Variants in ENTPD6 observed in about 807,000 individuals in gnomAD.
ENTPD6 encodes the protein CD39 antigen-like 2.
ENTPD6 carries 46 observed loss-of-function variants against 61.5 expected under a neutral mutation model. The ratio of observed to expected loss-of-function variants is 0.75; its 90% CI spans 0.59 to 0.96. The LOEUF (loss-of-function observed/expected upper bound fraction) is 0.96, where lower values mean the gene tolerates loss of function less well. Among genes scored for constraint, ENTPD6 ranks in the 40% least tolerant of loss-of-function variants. The pLI is 0.00. For synonymous variants in ENTPD6, 252 were observed against 255.5 expected (o/e 0.99, Z 0.13); for missense variants, 612 against 629.0 (o/e 0.97, Z 0.29).
chr20:25,208,175 G>A (rs546899356), intron 3 of ENTPD6, among the ~76,000 whole-genome samples: 33 of 152,202 alleles, frequency 2.2e-4, no homozygotes, highest in Non-Finnish European at 4.4e-4. Flanking sequence ...CGGTTCTGCT[G>A]GTGCTGGACA....
chr20:25,207,932 C>T (rs982451370), intron 3 of ENTPD6, among the ~76,000 whole-genome samples: 17 of 152,172 alleles, frequency 1.1e-4, no homozygotes, highest in African/African-American at 3.9e-4. Context: ...CCGGGGTGGG[C>T]GGCTTCTCTT....
intron 14 of ENTPD6, 55 bp from the exon 15 acceptor site, chr20:25,225,444 G>A: frequency 6.3e-7 from 1 of 1,585,388 alleles, no homozygotes; most frequent in East Asian, 2.2e-5. Flanking sequence ...GCCTCCTGAT[G>A]CACAAGGCTT....
rs141279047 is a variant in ENTPD6 at position 25,207,212 on chromosome 20, G to A, written c.191G>A (p.Arg64Gln). The A allele has an allele frequency of 3.5e-4, 560 of 1,613,970 alleles. 1 individual carries two copies. Among genetic ancestry groups the A allele is most frequent in the Non-Finnish European group, 4.4e-4 (525 of 1,180,022 alleles). The change falls in exon 3 of 15, where the codon CGG becomes CAG. Residue 64 changes from arginine (R) to glutamine (Q), a missense_variant. Arg to Gln is a conservative substitution (Grantham distance 43). Transcript: ENST00000376652. Reference sequence around the variant, plus strand: ...TATGTTGCCTACATCAAGTGGCACCGGGCCACCGCCACCCAGGCCTTCTTC... The same window carrying A: ...TATGTTGCCTACATCAAGTGGCACCAGGCCACCGCCACCCAGGCCTTCTTC... ...FIYVAYIKWHRATATQAFFSI... is the reference protein window; with the variant it reads ...FIYVAYIKWHQATATQAFFSI...
chr20:25,216,683 A>G lies in ENTPD6; in HGVS notation c.745A>G (p.Met249Val). The G allele has an allele frequency of 1.2e-6, 2 of 1,608,216 alleles. No homozygotes were observed. The highest frequency in any genetic ancestry group is 1.7e-6 in the Non-Finnish European group (2 of 1,177,810). The change falls in exon 8 of 15, where the codon ATG becomes GTG. Residue 249 changes from methionine (M) to valine (V), a missense_variant. Coordinates refer to ENST00000376652, the MANE Select transcript of ENTPD6 (RefSeq NM_001247.5). ...LKTPGGSSVG[M>V]LDLGGGSTQI... ...AACTCCAGGAGGGAGCAGCGTGGGC[A>G]TGCTGGACTTGGGCGGAGGATCCAC... is the stretch of plus-strand genomic sequence containing the variant.
intron 1 of ENTPD6, among the ~76,000 whole-genome samples, chr20:25,198,349 G>T (rs1334086463): frequency 6.6e-6 from 1 of 152,100 alleles, no homozygotes; most frequent in Non-Finnish European, 1.5e-5. Context: ...GGTGGTGCAT[G>T]CCTGTAATCT....
At chr20:25,222,765 G>A (rs924630509) in intron 11 of ENTPD6, 73 bp from the exon 12 acceptor site, 135 of 1,575,492 alleles carry the variant, frequency 8.6e-5, no homozygotes, top group Non-Finnish European at 1.1e-4. Context: ...AAGTCCCCTG[G>A]GAGGGGCCCC....
At position 25,227,161 on chromosome 20, in the gene ENTPD6, G is replaced by A. The variant is rs929972043; in HGVS notation, c.*1564G>A. On this transcript the variant is annotated 3_prime_UTR_variant, in exon 15 of 15. Transcript: ENST00000376652. The stretch of plus-strand genomic sequence containing the variant: ...CCCAACCAACTGTCACAGGAGGACA[G>A]GATCTGGCCCTAGGGCCTCCCAGGG... 3.3e-5 allele frequency among the ~76,000 whole-genome samples: 5 copies of A among 152,372 alleles called. No individual in the cohort carries two copies. Among genetic ancestry groups the A allele is most frequent in the Admixed American group, 6.5e-5 (1 of 15,306 alleles).
intron 8 of ENTPD6, among the ~76,000 whole-genome samples, 181 bp from the exon 9 acceptor site, chr20:25,217,321 G>A (rs752787301): frequency 4.6e-4 from 70 of 152,228 alleles, no homozygotes; most frequent in Middle Eastern, 3.4e-3. Flanking sequence ...ACGAAGCACC[G>A]TTCTTCACTG....
chr20:25,206,639 T>C (rs898297052), intron 2 of ENTPD6, 49 bp downstream of exon 2: 2 of 1,367,048 alleles, frequency 1.5e-6, no homozygotes, highest in African/African-American at 2.8e-5. Flanking sequence ...GTTTAAACCT[T>C]TCGAAAAGTA....
In ENTPD6 at chr20:25,209,925, G is replaced by T; in HGVS notation, c.453G>T (p.Lys151Asn). 6.2e-7 allele frequency: 1 copy of T among 1,613,442 alleles called. No individual in the cohort carries two copies. Among genetic ancestry groups the T allele is most frequent in the Non-Finnish European group, 8.5e-7 (1 of 1,179,366 alleles). Residue 151 changes from lysine to asparagine, a missense_variant and splice_region_variant, in exon 4 of 15, where the codon AAG becomes AAT. By Grantham distance (94) the Lys-to-Asn change is moderately conservative. Coordinates refer to ENST00000376652, the MANE Select transcript of ENTPD6 (RefSeq NM_001247.5). ...CTGCCTATGCTGATGATGTTGAAAA[G>T]GTAAGGATCCTCTCCCGTGTCTCCC... ...GLSAYADDVEKSAQGIRELLD... is the reference protein window; with the variant it reads ...GLSAYADDVENSAQGIRELLD...
intron 1 of ENTPD6, among the ~76,000 whole-genome samples, chr20:25,206,112 A>G (rs2091475284): frequency 6.6e-6 from 1 of 152,178 alleles, no homozygotes; most frequent in African/African-American, 2.4e-5. Flanking sequence ...GGGGCTCTCC[A>G]ATGAGCAGCC....
intron 7 of ENTPD6, 22 bp from the exon 8 acceptor site, chr20:25,216,626 G>A: frequency 6.3e-7 from 1 of 1,576,912 alleles, no homozygotes; most frequent in Middle Eastern, 1.7e-4. Context: ...CCCCTGTGCT[G>A]TTTTTGCTTG....
chr20:25,222,943 A>G lies in ENTPD6; in HGVS notation c.1151A>G (p.Tyr384Cys). 2 of 1,613,232 alleles carry G rather than the reference A, an allele frequency of 1.2e-6. No homozygotes were observed. Among genetic ancestry groups the G allele is most frequent in the South Asian group, 1.1e-5 (1 of 91,056 alleles). The change falls in exon 12 of 15, where the codon TAC becomes TGC. Residue 384 changes from tyrosine to cysteine, a missense_variant. By Grantham distance (194) the Tyr-to-Cys change is radical (BLOSUM62 -2). Transcript: ENST00000376652. Reference sequence around the variant, plus strand: ...CATGTGGACTTCTATGCTTTCTCCTACTATTACGACCTTGCAGCTGGTGTG... The same window carrying G: ...CATGTGGACTTCTATGCTTTCTCCTGCTATTACGACCTTGCAGCTGGTGTG... ...VKHVDFYAFS[Y>C]YYDLAAGVGL...
intron 1 of ENTPD6, chr20:25,196,139 C>A: frequency 8.2e-7 from 1 of 1,218,394 alleles, no homozygotes; most frequent in Non-Finnish European, 1.0e-6. Flanking sequence ...AGCCCTGCTG[C>A]GTTCATTCAT....
Position 25,209,766 on chromosome 20 carries a change from TA to T in ENTPD6, c.377-78del, listed in dbSNP as rs201638988. 8.4e-3 allele frequency: 10,279 copies of T among 1,226,738 alleles called. 112 individuals are homozygous for T. Among genetic ancestry groups the T allele is most frequent in the South Asian group, 0.033 (2,702 of 82,690 alleles). The allele number at this position is 1,226,738 out of a possible 1,614,324, so 76.0% of individuals were successfully genotyped here. A position where few individuals can be genotyped will look rare whatever the true frequency, so the allele number is the denominator to read the frequency against. On this transcript the variant is annotated intron_variant, in intron 3 of 14. Coordinates refer to ENST00000376652, the MANE Select transcript of ENTPD6 (RefSeq NM_001247.5). ...ATTGGTCTGTGTTAGTGTCTGTCTT[TA>T]AAAAGTGTGGCTAGTCATGATTGTA...
chr20:25,219,498 G>A (rs1274356395), intron 10 of ENTPD6, among the ~76,000 whole-genome samples: 2 of 152,254 alleles, frequency 1.3e-5, no homozygotes, highest in Non-Finnish European at 2.9e-5. Flanking sequence ...CTGCATCAGG[G>A]CCAGGGCCTC....
intron 4 of ENTPD6, among the ~76,000 whole-genome samples, chr20:25,211,036 A>G (rs1325412582): frequency 1.3e-5 from 2 of 152,238 alleles, no homozygotes; most frequent in Non-Finnish European, 2.9e-5. Context: ...AGTTTGTAGC[A>G]TTGCTACTTC....
At chr20:25,224,888 G>A in intron 13 of ENTPD6, 1 of 375,888 alleles carries the variant, frequency 2.7e-6, no homozygotes, top group South Asian at 5.9e-5. Flanking sequence ...AGAAAGCTTA[G>A]GTTTTATGCA....
chr20:25,216,581 C>T (rs2092323545), intron 7 of ENTPD6, 67 bp from the exon 8 acceptor site: 3 of 1,240,434 alleles, frequency 2.4e-6, no homozygotes, highest in Middle Eastern at 1.9e-4. Context: ...GGCTTTCACC[C>T]TGGCTTTTCT....
Sources: allele counts gnomAD v4.1 joint callset (sites outside exome capture counted in the v4.1 genomes callset), GRCh38; gene constraint gnomAD v4.1.1; transcripts MANE v1.5; gene names NCBI Gene and HGNC (gene_info 2026-07-23, HGNC 2026-07-21).